PPA2: variants seen among roughly 807,000 people sequenced by gnomAD.
PPA2 encodes the protein inorganic pyrophosphatase 2, mitochondrial.
A neutral mutation model predicts 49.5 loss-of-function variants in PPA2; 48 were observed. The observed-to-expected ratio is 0.97, with a 90% CI of 0.77 to 1.23. PPA2 has a LOEUF of 1.23. PPA2 is among the 50% of genes most tolerant of loss of function. The pLI, the probability that PPA2 is intolerant of heterozygous loss-of-function variation, is 0.00. For missense variants in PPA2, 429 were observed against 410.1 expected (o/e 1.05, Z -0.40); for synonymous variants, 131 against 139.9 (o/e 0.94, Z 0.45).
At chr4:105,414,181 A>T (rs1358685420) in intron 7 of PPA2, among the ~76,000 whole-genome samples, 2 of 152,376 alleles carry the variant, frequency 1.3e-5, no homozygotes, top group East Asian at 3.9e-4. Context: ...AAAAAATAAT[A>T]AACTATTATT....
At chr4:105,386,031 C>T (rs1163768711) in intron 10 of PPA2, among the ~76,000 whole-genome samples, 2 of 151,888 alleles carry the variant, frequency 1.3e-5, no homozygotes, top group Admixed American at 6.6e-5. Flanking sequence ...AAGCATGCAC[C>T]ACCAGGCTCA....
At chr4:105,423,722 C>A (rs1266971503) in intron 7 of PPA2, among the ~76,000 whole-genome samples, 4 of 152,164 alleles carry the variant, frequency 2.6e-5, no homozygotes, top group African/African-American at 9.7e-5. Context: ...AGTTACTTTT[C>A]CCTTCATTTG....
intron 7 of PPA2, 127 bp from the exon 8 acceptor site, chr4:105,399,291 G>A (rs1201996961): frequency 9.8e-6 from 8 of 814,876 alleles, no homozygotes; most frequent in Middle Eastern, 2.9e-4. Context: ...AATTGATTGT[G>A]ATACCTAGAG....
intron 7 of PPA2, among the ~76,000 whole-genome samples, chr4:105,418,132 A>G (rs1578840155): frequency 6.6e-6 from 1 of 152,240 alleles, no homozygotes; most frequent in East Asian, 1.9e-4. Flanking sequence ...TAGAGCTCTT[A>G]GGTTGATGAT....
chr4:105,467,484 A>G (rs578078831), intron 1 of PPA2, among the ~76,000 whole-genome samples: 48 of 152,384 alleles, frequency 3.1e-4, no homozygotes, highest in Admixed American at 2.4e-3. Context: ...ATGCTATGGT[A>G]CATATTTCAA....
At chr4:105,455,532 C>T (rs924137016) in intron 2 of PPA2, among the ~76,000 whole-genome samples, 1 of 152,044 alleles carries the variant, frequency 6.6e-6, no homozygotes, top group Non-Finnish European at 1.5e-5. Context: ...TACTTAGCCT[C>T]GTTAACAAAA....
intron 10 of PPA2, among the ~76,000 whole-genome samples, chr4:105,385,810 T>TA (rs1270499187): frequency 1.3e-5 from 2 of 150,414 alleles, no homozygotes; most frequent in Non-Finnish European, 3.0e-5. Flanking sequence ...TAAAGAGAAA[T>TA]AAAAAAGCAA....
intron 7 of PPA2, among the ~76,000 whole-genome samples, chr4:105,423,026 T>C (rs1418732400): frequency 6.6e-6 from 1 of 152,186 alleles, no homozygotes; most frequent in East Asian, 1.9e-4. Flanking sequence ...AAAATGTTTT[T>C]AACTAAATAA....
intron 4 of PPA2, among the ~76,000 whole-genome samples, chr4:105,448,279 G>GTTAA (rs1722500614): frequency 6.6e-6 from 1 of 152,078 alleles, no homozygotes; most frequent in African/African-American, 2.4e-5. Context: ...CTACTAAAGT[G>GTTAA]TTAACAAAAA....
intron 7 of PPA2, among the ~76,000 whole-genome samples, chr4:105,411,364 T>C (rs1417400909): frequency 6.6e-6 from 1 of 152,086 alleles, no homozygotes; most frequent in Non-Finnish European, 1.5e-5. Flanking sequence ...GAGCTAACTA[T>C]CCTAAATATA....
chr4:105,473,563 C>G, intron 1 of PPA2: 1 of 532,980 alleles, frequency 1.9e-6, no homozygotes. Flanking sequence ...CGGCTAATGG[C>G]TGCAGGCCGC....
At chr4:105,410,487 T>C (rs966925222) in intron 7 of PPA2, among the ~76,000 whole-genome samples, 2 of 152,174 alleles carry the variant, frequency 1.3e-5, no homozygotes, top group East Asian at 3.8e-4. Context: ...TAGAAAACAC[T>C]GTACAGGATA....
At chr4:105,376,990 T>C (rs1374783835) in intron 10 of PPA2, among the ~76,000 whole-genome samples, 2 of 152,174 alleles carry the variant, frequency 1.3e-5, no homozygotes, top group African/African-American at 4.8e-5. Flanking sequence ...AGGAAAGTGC[T>C]TAAACAAAGC....
At chr4:105,422,338 A>G (rs931927858) in intron 7 of PPA2, among the ~76,000 whole-genome samples, 2 of 152,180 alleles carry the variant, frequency 1.3e-5, no homozygotes, top group African/African-American at 2.4e-5. Flanking sequence ...CTCAACCCAA[A>G]TCAGCAACTG....
intron 7 of PPA2, among the ~76,000 whole-genome samples, chr4:105,407,982 G>A (rs1007676163): frequency 5.9e-5 from 9 of 152,122 alleles, no homozygotes; most frequent in African/African-American, 2.2e-4. Context: ...GGGTGAATTT[G>A]ACTGGATGTA....
intron 8 of PPA2, 73 bp from the exon 9 acceptor site, chr4:105,396,407 T>A (rs528457852): frequency 2.0e-6 from 2 of 1,015,222 alleles, no homozygotes; most frequent in East Asian, 2.7e-5. Flanking sequence ...ACAAAACTAA[T>A]CTTGTGATGA....
At chr4:105,405,489 C>A (rs17035563) in intron 7 of PPA2, 30,235 of 907,842 alleles carry the variant, frequency 0.033, 1,249 homozygotes, top group African/African-American at 0.18. Context: ...CTCTTTTAAA[C>A]ATTTGGAATG....
At chr4:105,378,804 T>A (rs1000730652) in intron 10 of PPA2, among the ~76,000 whole-genome samples, 4 of 152,122 alleles carry the variant, frequency 2.6e-5, no homozygotes, top group African/African-American at 4.8e-5. Context: ...TTGAAAAAAA[T>A]ATCATTTTGA....
intron 1 of PPA2, among the ~76,000 whole-genome samples, chr4:105,469,973 G>A (rs955103887): frequency 6.6e-6 from 1 of 152,130 alleles, no homozygotes; most frequent in African/African-American, 2.4e-5. Flanking sequence ...ACAAGCACAT[G>A]CTTACTATAA....
Sources: gnomAD v4.1 joint callset for allele counts (sites outside exome capture counted in the v4.1 genomes callset) on GRCh38, gnomAD v4.1.1 for gene constraint, MANE v1.5 for transcripts, NCBI Gene and HGNC (gene_info 2026-07-23, HGNC 2026-07-21) for gene names.